Variants in PDE7B observed in about 807,000 individuals in gnomAD.
PDE7B encodes the protein 3',5'-cyclic-AMP phosphodiesterase 7B.
In PDE7B, 29 loss-of-function variants were observed where a neutral mutation model predicts 56.2. That is an observed-to-expected ratio of 0.52 (90% confidence interval 0.38 to 0.70). The LOEUF (loss-of-function observed/expected upper bound fraction) is 0.70. Ranked by LOEUF, PDE7B falls within the 30% of genes least tolerant of loss-of-function variation. The probability of loss-of-function intolerance (pLI) is 0.00; values close to 1 mark genes in which losing one functional copy is unlikely to be tolerated. For missense variants in PDE7B, 490 were observed against 565.0 expected, an observed-to-expected ratio of 0.87 and a Z score of 1.35; for synonymous variants, 197 against 196.9, an observed-to-expected ratio of 1.00 and a Z score of 0.00.
At chr6:135,985,545 C>A (rs1054442346) in intron 2 of PDE7B, among the ~76,000 whole-genome samples, 1 of 152,200 alleles carries the variant, frequency 6.6e-6, no homozygotes, top group Non-Finnish European at 1.5e-5. Flanking sequence ...TGGACATAGA[C>A]TCCACTTTGA....
chr6:136,079,053 G>A (rs973083798), intron 2 of PDE7B, among the ~76,000 whole-genome samples: 3 of 152,080 alleles, frequency 2.0e-5, no homozygotes, highest in Non-Finnish European at 4.4e-5. Flanking sequence ...CTCAATTTAT[G>A]ATGCCACTGC....
chr6:136,015,020 C>T (rs1440816898), intron 2 of PDE7B, among the ~76,000 whole-genome samples: 1 of 152,202 alleles, frequency 6.6e-6, no homozygotes, highest in Non-Finnish European at 1.5e-5. Context: ...CACATATATG[C>T]GTGTGCGTGT....
At chr6:135,983,276 T>C (rs917609355) in intron 2 of PDE7B, among the ~76,000 whole-genome samples, 7 of 152,150 alleles carry the variant, frequency 4.6e-5, no homozygotes, top group Non-Finnish European at 7.4e-5. Context: ...AGTTCACCCC[T>C]ACCATGGGCT....
At chr6:136,074,452 TTTAAG>T (rs1301428611) in intron 2 of PDE7B, among the ~76,000 whole-genome samples, 4 of 152,178 alleles carry the variant, frequency 2.6e-5, no homozygotes, top group African/African-American at 9.7e-5. Context: ...AATTATACTT[TTTAAG>T]TTATTTTTAA....
At chr6:135,914,179 A>G (rs538811776) in intron 1 of PDE7B, among the ~76,000 whole-genome samples, 19 of 152,282 alleles carry the variant, frequency 1.2e-4, no homozygotes, top group African/African-American at 4.3e-4. Flanking sequence ...AGAAAGAGAA[A>G]CTGATGTTGG....
At chr6:135,918,979 T>C (rs1409697784) in intron 1 of PDE7B, among the ~76,000 whole-genome samples, 1 of 152,244 alleles carries the variant, frequency 6.6e-6, no homozygotes, top group Non-Finnish European at 1.5e-5. Flanking sequence ...AACTGCCTTA[T>C]GTATTCATTT....
chr6:135,856,276 C>T (rs1295842037), intron 1 of PDE7B, among the ~76,000 whole-genome samples: 2 of 152,162 alleles, frequency 1.3e-5, no homozygotes, highest in East Asian at 3.9e-4. Context: ...TGATGTGCCC[C>T]TCTGTGGCTG....
At chr6:136,059,958 T>C (rs1468806698) in intron 2 of PDE7B, among the ~76,000 whole-genome samples, 1 of 152,150 alleles carries the variant, frequency 6.6e-6, no homozygotes, top group Admixed American at 6.5e-5. Flanking sequence ...GACATACCAA[T>C]TACAGCCCTT....
At chr6:136,016,366 G>T (rs1775977511) in intron 2 of PDE7B, among the ~76,000 whole-genome samples, 1 of 152,148 alleles carries the variant, frequency 6.6e-6, no homozygotes, top group South Asian at 2.1e-4. Context: ...CAGACTGATT[G>T]TGTGAAGTTC....
At chr6:136,100,608 A>G (rs1467717832) in intron 2 of PDE7B, among the ~76,000 whole-genome samples, 1 of 152,118 alleles carries the variant, frequency 6.6e-6, no homozygotes, top group African/African-American at 2.4e-5. Context: ...TGATTTTTGC[A>G]CATTGATTTT....
chr6:136,017,002 G>C (rs1281634563), intron 2 of PDE7B, among the ~76,000 whole-genome samples: 1 of 152,158 alleles, frequency 6.6e-6, no homozygotes, highest in Non-Finnish European at 1.5e-5. Flanking sequence ...CTTGAAAACA[G>C]TAGAAGTGAC....
chr6:136,168,431 ATT>A, intron 8 of PDE7B, among the ~76,000 whole-genome samples: 1 of 151,834 alleles, frequency 6.6e-6, no homozygotes, highest in Middle Eastern at 3.4e-3. Flanking sequence ...GAGAGCAGAG[ATT>A]TTGTCTTATT....
chr6:136,151,047 G>GA (rs35539959), intron 5 of PDE7B, 113 bp from the exon 6 acceptor site: 274,738 of 607,072 alleles, frequency 0.45, 63,868 homozygotes, highest in African/African-American at 0.59. Flanking sequence ...TTCTAAAGGG[G>GA]AAAAAATATT....
At chr6:135,971,346 G>A (rs1016177302) in intron 2 of PDE7B, among the ~76,000 whole-genome samples, 4 of 152,094 alleles carry the variant, frequency 2.6e-5, no homozygotes, top group African/African-American at 4.8e-5. Flanking sequence ...TAGCCTTCCC[G>A]AACTGTGAGA....
At chr6:136,061,580 A>T (rs562564655) in intron 2 of PDE7B, among the ~76,000 whole-genome samples, 19 of 152,188 alleles carry the variant, frequency 1.2e-4, no homozygotes, top group Admixed American at 3.3e-4. Context: ...AAAAATTGGG[A>T]CAACAATACC....
At chr6:136,077,704 T>A (rs533324263) in intron 2 of PDE7B, among the ~76,000 whole-genome samples, 1 of 152,358 alleles carries the variant, frequency 6.6e-6, no homozygotes, top group East Asian at 1.9e-4. Context: ...TGTAAATTTT[T>A]AAAATTATTA....
intron 1 of PDE7B, among the ~76,000 whole-genome samples, chr6:135,935,087 T>C (rs1227373015): frequency 1.2e-5 from 1 of 85,900 alleles, no homozygotes; most frequent in Non-Finnish European, 2.0e-5. Context: ...TAAATAAATA[T>C]ATAATATATA....
rs551207601 is a variant in PDE7B, at chr6:135,967,296, A to G, written c.82+19772A>G. Among the ~76,000 whole-genome samples, 20 of 152,224 alleles carry G rather than the reference A, an allele frequency of 1.3e-4. No homozygotes were observed. The South Asian group carries it at 3.1e-3, about 24-fold the overall frequency. ...AACCCGCTATGTAACCCCAACTTTA[A>G]CTGCATTGCTTATGAGTTTGAATGA... On this transcript the variant is annotated intron_variant, in intron 2 of 12. Coordinates refer to ENST00000308191, the MANE Select transcript of PDE7B (RefSeq NM_018945.4).
intron 2 of PDE7B, among the ~76,000 whole-genome samples, chr6:136,007,851 A>C (rs1169590742): frequency 6.6e-6 from 1 of 150,776 alleles, no homozygotes; most frequent in Non-Finnish European, 1.5e-5. Context: ...TTTTTATTAT[A>C]CTTTAAGTTG....
Sources: gnomAD v4.1 joint callset for allele counts (sites outside exome capture counted in the v4.1 genomes callset) on GRCh38, gnomAD v4.1.1 for gene constraint, MANE v1.5 for transcripts, NCBI Gene and HGNC (gene_info 2026-07-23, HGNC 2026-07-21) for gene names.